RBFOX3: variants seen among roughly 807,000 people sequenced by gnomAD.
The protein encoded by RBFOX3 is RNA binding protein fox-1 homolog 3.
RBFOX3 carries 17 observed loss-of-function variants against 48.7 expected under a neutral mutation model. The observed-to-expected ratio is 0.35, with a 90% CI of 0.24 to 0.52. The LOEUF is 0.52. RBFOX3 is among the 20% of genes least tolerant of loss of function. The pLI is 0.94. For missense variants in RBFOX3, 382 were observed against 497.5 expected (o/e 0.77, Z 2.21); for synonymous variants, 212 against 209.5 (o/e 1.01, Z -0.10).
the RBFOX3 span, among the ~76,000 whole-genome samples, chr17:79,635,930 G>A: frequency 6.6e-6 from 1 of 152,156 alleles, no homozygotes; most frequent in African/African-American, 2.4e-5. Context: ...AAGGTTCTGA[G>A]CAAAAAGACA....
intron 4 of RBFOX3, among the ~76,000 whole-genome samples, chr17:79,144,028 C>G (rs954187593): frequency 6.6e-6 from 1 of 152,238 alleles, no homozygotes; most frequent in Non-Finnish European, 1.5e-5. Flanking sequence ...CCGTGCCCAG[C>G]TCTGCCCGTG....
chr17:79,307,160 G>A (rs1261239133), intron 3 of RBFOX3, among the ~76,000 whole-genome samples: 9 of 152,240 alleles, frequency 5.9e-5, no homozygotes, highest in Non-Finnish European at 8.8e-5. Flanking sequence ...CTCGGGGCGC[G>A]GAAGGAGGGC....
chr17:79,437,865 C>A (rs1389424360), intron 2 of RBFOX3, among the ~76,000 whole-genome samples: 1 of 152,244 alleles, frequency 6.6e-6, no homozygotes, highest in African/African-American at 2.4e-5. Context: ...CATGCCCTTC[C>A]CTTCTTCATG....
At chr17:79,581,910 C>T (rs1362986724) in intron 1 of RBFOX3, among the ~76,000 whole-genome samples, 1 of 152,276 alleles carries the variant, frequency 6.6e-6, no homozygotes, top group South Asian at 2.1e-4. Context: ...TCTGCTAAAG[C>T]TCCCCTCACG....
At chr17:79,330,820 G>A (rs550414622) in intron 2 of RBFOX3, among the ~76,000 whole-genome samples, 176 of 152,282 alleles carry the variant, frequency 1.2e-3, no homozygotes, top group African/African-American at 3.9e-3. Context: ...CCCTCCCTTC[G>A]GAGAAGCCTT....
intron 1 of RBFOX3, among the ~76,000 whole-genome samples, chr17:79,496,894 G>A (rs2081619342): frequency 6.6e-6 from 1 of 152,208 alleles, no homozygotes; most frequent in Admixed American, 6.5e-5. Flanking sequence ...AGCAGGGCAT[G>A]GAAATCTTCC....
chr17:79,431,427 C>T (rs566413644), intron 2 of RBFOX3, among the ~76,000 whole-genome samples: 6 of 152,248 alleles, frequency 3.9e-5, no homozygotes, highest in Non-Finnish European at 7.4e-5. Flanking sequence ...GATTCTCCTG[C>T]CTCAGCCTCC....
chr17:79,170,033 AGAAG>A (rs745321129), intron 4 of RBFOX3, among the ~76,000 whole-genome samples: 254 of 143,218 alleles, frequency 1.8e-3, no homozygotes, highest in Non-Finnish European at 2.3e-3. Flanking sequence ...CAGGAAGGAG[AGAAG>A]GAAGGAGAAG....
At chr17:79,239,574 A>T (rs1020778522) in intron 3 of RBFOX3, among the ~76,000 whole-genome samples, 1 of 152,188 alleles carries the variant, frequency 6.6e-6, no homozygotes, top group Non-Finnish European at 1.5e-5. Context: ...CACTGCCCCC[A>T]GGAGACGGCG....
chr17:79,582,362 G>T (rs1014817036), intron 1 of RBFOX3, among the ~76,000 whole-genome samples: 1 of 152,182 alleles, frequency 6.6e-6, no homozygotes. Context: ...GTGTGCAAGT[G>T]TCTGGCCCTG....
intron 2 of RBFOX3, among the ~76,000 whole-genome samples, chr17:79,467,170 G>T (rs898580294): frequency 8.5e-5 from 13 of 152,050 alleles, no homozygotes; most frequent in Non-Finnish European, 1.8e-4. Context: ...CACACCTGGT[G>T]GCACGGGCTG....
intron 4 of RBFOX3, 181 bp downstream of exon 4, chr17:79,235,585 A>G (rs55889239): frequency 0.18 from 28,249 of 153,368 alleles, 3,214 homozygotes; most frequent in East Asian, 0.36. Context: ...ACAAGAGAGA[A>G]CACGACACAG....
chr17:79,185,777 C>G (rs1268715317), intron 4 of RBFOX3, among the ~76,000 whole-genome samples: 1 of 152,174 alleles, frequency 6.6e-6, no homozygotes, highest in African/African-American at 2.4e-5. Flanking sequence ...TAAGCCATGC[C>G]TGACACAGAG....
intron 3 of RBFOX3, among the ~76,000 whole-genome samples, chr17:79,253,616 AG>A (rs2064323414): frequency 6.6e-6 from 1 of 152,214 alleles, no homozygotes; most frequent in East Asian, 1.9e-4. Context: ...TGCTGCTTCC[AG>A]GAGGTGCTGC....
rs146024146 is a variant in RBFOX3 at position 79,143,632 on chromosome 17, C to T, written c.-33-27884G>A. Among the ~76,000 whole-genome samples the T allele has an allele frequency of 6.1e-3, 923 of 152,314 alleles. 13 individuals carry two copies. Among genetic ancestry groups the T allele is most frequent in the African/African-American group, 0.021 (868 of 41,568 alleles). On this transcript the variant is annotated intron_variant, in intron 4 of 14. Transcript: ENST00000693108. The stretch of plus-strand genomic sequence containing the variant: ...TGCTCTGGCCACAGGTGACCCCCTT[C>T]GCTCGGCACCAACGCCACGTGCAGG...
intron 2 of RBFOX3, among the ~76,000 whole-genome samples, chr17:79,316,125 T>C (rs1311830383): frequency 6.6e-6 from 1 of 151,558 alleles, no homozygotes; most frequent in Non-Finnish European, 1.5e-5. Flanking sequence ...CAAGTAAAAA[T>C]TGGAGAGGGC....
In RBFOX3 at chr17:79,391,072, C is replaced by T. The variant is rs1489478573; in HGVS notation, c.-174-83248G>A. On this transcript the variant is annotated intron_variant, in intron 2 of 14. Transcript: ENST00000693108. This position sits in a 1 kb window ranked among gnomAD's most constrained non-coding sequence, Gnocchi z 5.0. ...TTCTACCCACTGCCATGGGAGCCTT[C>T]GCACCTCGGGTCTGGTGGCCTGTAA... Among the ~76,000 whole-genome samples, 2 of 152,204 alleles carry T rather than the reference C, an allele frequency of 1.3e-5. No individual in the cohort carries two copies. Among genetic ancestry groups the T allele is most frequent in the African/African-American group, 2.4e-5 (1 of 41,450 alleles).
chr17:79,320,741 C>T (rs560512910), intron 2 of RBFOX3, among the ~76,000 whole-genome samples: 16 of 152,096 alleles, frequency 1.1e-4, no homozygotes, highest in African/African-American at 2.2e-4. Context: ...GAGCCCTGCC[C>T]GCCTGCTCTC....
At chr17:79,644,246 T>C in the RBFOX3 span, among the ~76,000 whole-genome samples, 1 of 151,770 alleles carries the variant, frequency 6.6e-6, no homozygotes, top group Admixed American at 6.6e-5. Context: ...GTGAATTCTA[T>C]CAAAACATTC....
Sources: gnomAD v4.1 joint callset for allele counts (sites outside exome capture counted in the v4.1 genomes callset) on GRCh38, gnomAD v4.1.1 for gene constraint, Gnocchi (gnomAD v3.1) non-coding constraint, MANE v1.5 for transcripts, NCBI Gene and HGNC (gene_info 2026-07-23, HGNC 2026-07-21) for gene names.